Variants in LRBA observed in about 807,000 individuals in gnomAD.
LRBA encodes lipopolysaccharide-responsive and beige-like anchor protein.
A neutral mutation model predicts 330.0 loss-of-function variants in LRBA; 176 were observed. The ratio of observed to expected loss-of-function variants is 0.53; its 90% CI spans 0.47 to 0.60. LRBA has a LOEUF of 0.60. Ranked by LOEUF, LRBA falls within the 20% of genes least tolerant of loss-of-function variation. LRBA has a pLI of 0.00. For missense variants in LRBA, 3,259 were observed against 3,444.8 expected (o/e 0.95, Z 1.35); for synonymous variants, 1,230 against 1,193.0 (o/e 1.03, Z -0.64).
chr4:150,561,126 T>C (rs976794648), intron 40 of LRBA, among the ~76,000 whole-genome samples: 6 of 152,204 alleles, frequency 3.9e-5, no homozygotes, highest in Non-Finnish European at 8.8e-5. Context: ...TACATGCTTA[T>C]ATTATAAACC....
chr4:150,839,144 T>A (rs540045314), intron 28 of LRBA, among the ~76,000 whole-genome samples: 1 of 152,218 alleles, frequency 6.6e-6, no homozygotes, highest in South Asian at 2.1e-4. Context: ...AAAATGCTCA[T>A]CATCACTGGC....
intron 56 of LRBA, among the ~76,000 whole-genome samples, chr4:150,268,285 C>A (rs1023232710): frequency 1.1e-4 from 16 of 152,076 alleles, no homozygotes; most frequent in African/African-American, 3.9e-4. Flanking sequence ...AATCAGTAAT[C>A]AAAAACCTCC....
At chr4:150,834,038 T>C (rs1372966821) in intron 28 of LRBA, among the ~76,000 whole-genome samples, 5 of 152,204 alleles carry the variant, frequency 3.3e-5, no homozygotes, top group East Asian at 3.8e-4. Context: ...TATCATGACA[T>C]TGTAGGAATT....
chr4:150,398,831 T>C (rs2151923075), intron 47 of LRBA, among the ~76,000 whole-genome samples: 1 of 152,254 alleles, frequency 6.6e-6, no homozygotes, highest in East Asian at 1.9e-4. Flanking sequence ...TCTTGCTGTG[T>C]TGTTCAGGCT....
intron 55 of LRBA, 63 bp from the exon 56 acceptor site, chr4:150,278,067 T>C (rs1747034728): frequency 1.4e-6 from 2 of 1,469,656 alleles, no homozygotes; most frequent in African/African-American, 1.4e-5. Flanking sequence ...CCCCACCCTG[T>C]TTTTGAGTCA....
rs543531001 is a variant in LRBA at position 150,942,592 on chromosome 4, T to A, written c.217-13527A>T. 2.6e-5 allele frequency among the ~76,000 whole-genome samples: 4 copies of A among 152,316 alleles called. No homozygotes were observed. The East Asian group carries it at 7.7e-4, about 29-fold the overall frequency. Reference sequence around the variant, plus strand: ...TTTTGTTCTCCTTCTACTTACTATATTCTGGGTCTTTCACTATTTCTTAGA... The same window carrying A: ...TTTTGTTCTCCTTCTACTTACTATAATCTGGGTCTTTCACTATTTCTTAGA... On this transcript the variant is annotated intron_variant, in intron 2 of 56. Transcript: ENST00000651943.
At chr4:150,920,251 T>A (rs1316965135) in intron 5 of LRBA, among the ~76,000 whole-genome samples, 1 of 152,144 alleles carries the variant, frequency 6.6e-6, no homozygotes, top group Non-Finnish European at 1.5e-5. Context: ...AATATCTTTT[T>A]TAAAAGTTTG....
At chr4:150,943,047 G>T (rs1735855003) in intron 2 of LRBA, among the ~76,000 whole-genome samples, 1 of 151,940 alleles carries the variant, frequency 6.6e-6, no homozygotes, top group Non-Finnish European at 1.5e-5. Context: ...ATTGTTTATT[G>T]TACCCTTCAT....
intron 52 of LRBA, among the ~76,000 whole-genome samples, chr4:150,305,266 A>T (rs1730211932): frequency 1.3e-5 from 2 of 152,214 alleles, no homozygotes; most frequent in South Asian, 4.1e-4. Flanking sequence ...GATTAAATAT[A>T]GGGGCAGAGT....
chr4:150,319,208 G>C (rs1364641217), intron 50 of LRBA, among the ~76,000 whole-genome samples: 1 of 152,168 alleles, frequency 6.6e-6, no homozygotes, highest in Non-Finnish European at 1.5e-5. Flanking sequence ...GCTCTTCCTA[G>C]GCTAAAGTAA....
intron 42 of LRBA, among the ~76,000 whole-genome samples, chr4:150,479,848 T>C (rs530737250): frequency 6.6e-6 from 1 of 152,324 alleles, no homozygotes; most frequent in East Asian, 1.9e-4. Flanking sequence ...AACTGAGGCC[T>C]ACTGCTAAGG....
intron 40 of LRBA, among the ~76,000 whole-genome samples, chr4:150,531,414 G>T (rs1023508570): frequency 6.6e-6 from 1 of 151,976 alleles, no homozygotes; most frequent in Non-Finnish European, 1.5e-5. Flanking sequence ...AGTCCTCATG[G>T]CTTCTTCCCT....
chr4:150,513,429 G>A (rs1018810215), intron 40 of LRBA, among the ~76,000 whole-genome samples: 8 of 152,164 alleles, frequency 5.3e-5, no homozygotes, highest in African/African-American at 1.7e-4. Flanking sequence ...TACAGTTGAG[G>A]TTGCTTAACT....
intron 40 of LRBA, among the ~76,000 whole-genome samples, chr4:150,500,287 C>T (rs1389204883): frequency 6.6e-6 from 1 of 151,784 alleles, no homozygotes. Context: ...AAAAAATCCC[C>T]CCTTGGGCTG....
At chr4:150,827,739 T>C (rs145812885) in intron 30 of LRBA, among the ~76,000 whole-genome samples, 2 of 151,982 alleles carry the variant, frequency 1.3e-5, no homozygotes, top group African/African-American at 4.8e-5. Flanking sequence ...GTAGCCTGGA[T>C]TACAGGCACA....
At chr4:150,362,375 C>T (rs546390964) in intron 47 of LRBA, among the ~76,000 whole-genome samples, 1 of 152,244 alleles carries the variant, frequency 6.6e-6, no homozygotes, top group East Asian at 1.9e-4. Flanking sequence ...GTTATTCTAT[C>T]GGTATCCAAA....
chr4:150,867,979 A>C, intron 21 of LRBA, 116 bp from the exon 22 acceptor site: 1 of 951,604 alleles, frequency 1.1e-6, no homozygotes, highest in Non-Finnish European at 1.5e-6. Context: ...AAAGAAACAC[A>C]TTTAGTTATA....
intron 40 of LRBA, among the ~76,000 whole-genome samples, chr4:150,511,413 C>CTAAAGA (rs1251976472): frequency 1.3e-5 from 2 of 152,172 alleles, no homozygotes; most frequent in South Asian, 4.1e-4. Flanking sequence ...AGGTTCTTAT[C>CTAAAGA]ATCTTTTACC....
intron 31 of LRBA, among the ~76,000 whole-genome samples, chr4:150,815,048 AT>A (rs1744357340): frequency 1.3e-5 from 2 of 151,958 alleles, no homozygotes; most frequent in African/African-American, 4.8e-5. Context: ...AAAGGGTCCT[AT>A]TTCCTCTGTT....
Sources: allele counts gnomAD v4.1 joint callset (sites outside exome capture counted in the v4.1 genomes callset), GRCh38; gene constraint gnomAD v4.1.1; transcripts MANE v1.5; gene names NCBI Gene and HGNC (gene_info 2026-07-23, HGNC 2026-07-21).